Variants in CMIP observed in about 807,000 individuals in gnomAD.
CMIP encodes c-Maf inducing protein, also known as C-Maf-inducing protein.
CMIP carries 13 observed loss-of-function variants against 97.3 expected under a neutral mutation model. The ratio of observed to expected loss-of-function variants is 0.13; its 90% CI spans 0.09 to 0.21. The LOEUF (loss-of-function observed/expected upper bound fraction) is 0.21. CMIP is among the 10% of genes least tolerant of loss of function. CMIP has a pLI of 1.00. For missense variants in CMIP, 847 were observed against 1,024.9 expected, an observed-to-expected ratio of 0.83 and a Z score of 2.37; for synonymous variants, 538 against 436.3, an observed-to-expected ratio of 1.23 and a Z score of -2.91.
intron 14 of CMIP, chr16:81,697,644 C>T (rs1040923248): frequency 6.6e-5 from 10 of 152,354 alleles, no homozygotes; most frequent in African/African-American, 2.2e-4. Flanking sequence ...AGATGCACGG[C>T]GCCCGGCGGG....
intron 9 of CMIP, among the ~76,000 whole-genome samples, chr16:81,677,299 C>A (rs984404206): frequency 2.6e-5 from 4 of 152,152 alleles, no homozygotes; most frequent in Non-Finnish European, 5.9e-5. Flanking sequence ...CCATCTCCGT[C>A]GACTCATGGG....
At chr16:81,663,735 G>T in intron 6 of CMIP, among the ~76,000 whole-genome samples, 1 of 152,310 alleles carries the variant, frequency 6.6e-6, no homozygotes, top group Non-Finnish European at 1.5e-5. Context: ...GGGGAGGCAA[G>T]GGCTGTGTCC....
chr16:81,607,503 A>T, intron 1 of CMIP, 64 bp from the exon 2 acceptor site: 1 of 1,588,510 alleles, frequency 6.3e-7, no homozygotes, highest in Non-Finnish European at 8.6e-7. Context: ...ACCGTCTGAG[A>T]TGCGGACGTC....
chr16:81,691,177 C>G lies in CMIP; in HGVS notation c.1389-598C>G, dbSNP rs79351368. On this transcript the variant is annotated intron_variant, in intron 10 of 20. Coordinates refer to ENST00000537098, the MANE Select transcript of CMIP (RefSeq NM_198390.3). Reference sequence around the variant, plus strand: ...GCTTACTCAACAAACATGTATTTCTCTCAGTTCGGGAAGGCACAACCCTGA... The same window carrying G: ...GCTTACTCAACAAACATGTATTTCTGTCAGTTCGGGAAGGCACAACCCTGA... Among the ~76,000 whole-genome samples the G allele has an allele frequency of 7.9e-5, 12 of 152,268 alleles. No individual in the cohort carries two copies. The South Asian group carries it at 2.3e-3, about 29-fold the overall frequency.
Position 81,702,680 on chromosome 16 carries a change from T to G in CMIP, c.1944+11T>G. On this transcript the variant is annotated intron_variant, in intron 17 of 20. Coordinates refer to ENST00000537098, the MANE Select transcript of CMIP (RefSeq NM_198390.3). ...CCCTCCAAGTCCACAGTGAGTTGGT[T>G]TGGTTCTCTTTGGGGCTGGATGGAG... 3.7e-6 allele frequency: 6 copies of G among 1,611,594 alleles called. No homozygotes were observed. The highest frequency in any genetic ancestry group is 5.1e-6 in the Non-Finnish European group (6 of 1,178,404).
At chr16:81,461,075 T>A (rs1403647845) in intron 1 of CMIP, among the ~76,000 whole-genome samples, 1 of 152,164 alleles carries the variant, frequency 6.6e-6, no homozygotes, top group Non-Finnish European at 1.5e-5. Flanking sequence ...TGGTGAGGTG[T>A]TTTACAACTA....
At chr16:81,625,600 T>C (rs2092050283) in intron 3 of CMIP, among the ~76,000 whole-genome samples, 1 of 152,228 alleles carries the variant, frequency 6.6e-6, no homozygotes, top group Admixed American at 6.5e-5. Context: ...ATTGAGAAGA[T>C]TGGCCTGTTT....
intron 3 of CMIP, among the ~76,000 whole-genome samples, chr16:81,623,148 G>A (rs1232934622): frequency 6.6e-6 from 1 of 152,152 alleles, no homozygotes; most frequent in East Asian, 1.9e-4. Context: ...AGGTTGTAGT[G>A]AGCCAAGATT....
intron 3 of CMIP, among the ~76,000 whole-genome samples, chr16:81,638,189 C>T (rs1012919799): frequency 2.6e-5 from 4 of 152,196 alleles, no homozygotes; most frequent in Non-Finnish European, 5.9e-5. Flanking sequence ...TGGGGATACT[C>T]GTCACTGGAT....
At chr16:81,446,197 T>C (rs985639128) in intron 1 of CMIP, among the ~76,000 whole-genome samples, 1 of 151,118 alleles carries the variant, frequency 6.6e-6, no homozygotes, top group Non-Finnish European at 1.5e-5. Context: ...GGTGGTCGAG[T>C]TCTAGCCTAG....
chr16:81,482,865 A>G (rs999545201), intron 1 of CMIP, among the ~76,000 whole-genome samples: 1 of 152,232 alleles, frequency 6.6e-6, no homozygotes, highest in South Asian at 2.1e-4. Flanking sequence ...CCCTGGGGTC[A>G]GCGAGGCAGG....
chr16:81,549,044 C>A (rs2090603883), intron 1 of CMIP, among the ~76,000 whole-genome samples: 1 of 152,090 alleles, frequency 6.6e-6, no homozygotes. Context: ...GTACTCAGTT[C>A]CTGGATCTAT....
At chr16:81,591,486 A>G (rs1176264912) in intron 1 of CMIP, among the ~76,000 whole-genome samples, 1 of 152,208 alleles carries the variant, frequency 6.6e-6, no homozygotes, top group Non-Finnish European at 1.5e-5. Context: ...AGCACTACTT[A>G]GCGATTCAAA....
chr16:81,546,806 T>C (rs1227088458), intron 1 of CMIP, among the ~76,000 whole-genome samples: 1 of 152,188 alleles, frequency 6.6e-6, no homozygotes, highest in Non-Finnish European at 1.5e-5. Flanking sequence ...GCCGCTGCCA[T>C]GTATGGCTAT....
chr16:81,566,386 C>G (rs2090984490), intron 1 of CMIP, among the ~76,000 whole-genome samples: 1 of 152,182 alleles, frequency 6.6e-6, no homozygotes, highest in Non-Finnish European at 1.5e-5. Flanking sequence ...TGCTGCTGTT[C>G]CTTCCTTCCT....
At chr16:81,699,522 G>A (rs1907147105) in intron 14 of CMIP, among the ~76,000 whole-genome samples, 163 bp from the exon 15 acceptor site, 1 of 152,142 alleles carries the variant, frequency 6.6e-6, no homozygotes, top group Non-Finnish European at 1.5e-5. Context: ...CCAGGGAGGG[G>A]TTTCTTGCAT....
chr16:81,538,748 A>G (rs1317605688), intron 1 of CMIP, among the ~76,000 whole-genome samples: 3 of 152,280 alleles, frequency 2.0e-5, no homozygotes, highest in East Asian at 3.9e-4. Context: ...AAAAGGCATT[A>G]AGTTCAAAAT....
intron 1 of CMIP, among the ~76,000 whole-genome samples, chr16:81,552,849 A>T (rs2090686428): frequency 2.0e-5 from 3 of 152,034 alleles, no homozygotes; most frequent in Admixed American, 2.0e-4. Context: ...TTGTTCCTTC[A>T]TTGCTGTGGC....
At chr16:81,696,238 C>T (rs567133873) in intron 13 of CMIP, 9 of 424,372 alleles carry the variant, frequency 2.1e-5, no homozygotes, top group African/African-American at 1.2e-4. Flanking sequence ...TGATTGTGGG[C>T]GGTTGCTCTG....
Sources: allele counts gnomAD v4.1 joint callset (sites outside exome capture counted in the v4.1 genomes callset), GRCh38; gene constraint gnomAD v4.1.1; transcripts MANE v1.5; gene names NCBI Gene and HGNC (gene_info 2026-07-23, HGNC 2026-07-21).